The following PROSER2 variants were observed in gnomAD, a reference collection of about 807,000 sequenced individuals.
PROSER2 encodes proline and serine rich 2.
Under a neutral mutation model 14.6 loss-of-function variants are expected in PROSER2, and 18 were observed. That is an observed-to-expected ratio of 1.23 (90% CI 0.85 to 1.83). The LOEUF (loss-of-function observed/expected upper bound fraction) is 1.83. PROSER2 is among the 40% of genes most tolerant of loss of function. The probability of loss-of-function intolerance (pLI) is 0.00; values close to 1 mark genes in which losing one functional copy is unlikely to be tolerated. For synonymous variants in PROSER2, 367 were observed against 286.4 expected (o/e 1.28, Z -2.84); for missense variants, 823 against 629.8 (o/e 1.31, Z -3.28).
At position 11,869,430 on chromosome 10, in the gene PROSER2, A is replaced by G; in HGVS notation, c.392-60A>G. The G allele has an allele frequency of 1.6e-6, 2 of 1,267,100 alleles. No homozygotes were observed. The highest frequency in any genetic ancestry group is 2.3e-6 in the Non-Finnish European group (2 of 868,204). The allele number at this position is 1,267,100 out of a possible 1,614,324, so 78.5% of individuals were successfully genotyped here. On this transcript the variant is annotated intron_variant, in intron 3 of 3. Coordinates refer to ENST00000277570, the MANE Select transcript of PROSER2 (RefSeq NM_153256.4). This position sits in a 1 kb window ranked among gnomAD's most constrained non-coding sequence, Gnocchi z 4.4. ...GCTCTTTTCAGTTCAGCGAGAGGGA[A>G]CTTCATGCATTTACTTTCACGTGGG... is the stretch of plus-strand genomic sequence containing the variant.
In PROSER2 at chr10:11,866,803, A is replaced by G; in HGVS notation, c.391+20A>G. 1.2e-6 allele frequency: 2 copies of G among 1,600,992 alleles called. No individual in the cohort carries two copies. Among genetic ancestry groups the G allele is most frequent in the Non-Finnish European group, 1.7e-6 (2 of 1,175,682 alleles). On this transcript the variant is annotated intron_variant, in intron 3 of 3. Coordinates refer to ENST00000277570, the MANE Select transcript of PROSER2 (RefSeq NM_153256.4). This position sits in a 1 kb window ranked among gnomAD's most constrained non-coding sequence, Gnocchi z 6.0. ...CAGCAGGTGAGGGGGAAGACAGGCCATCCCTGGGATGTGGTTTCCTGGTGT... is the reference window on the plus strand; with the variant it reads ...CAGCAGGTGAGGGGGAAGACAGGCCGTCCCTGGGATGTGGTTTCCTGGTGT...
chr10:11,870,554 G>A lies in PROSER2; in HGVS notation c.*148G>A, dbSNP rs977188836. 6.3e-6 allele frequency: 4 copies of A among 636,530 alleles called. No individual in the cohort carries two copies. In the African/African-American group the frequency reaches 7.8e-5, roughly 12 times the overall value. The allele number at this position is 636,530 out of a possible 1,614,324, so 39.4% of individuals were successfully genotyped here. On this transcript the variant is annotated 3_prime_UTR_variant, in exon 4 of 4. Transcript: ENST00000277570. ...GGCACATCGGAGTCTAGAGGTGCCT[G>A]GCTGGGGCCTCCTGGCTGAGCACGC... is the stretch of plus-strand genomic sequence containing the variant.
At chr10:11,827,060 G>GT (rs1833625469) in intron 1 of PROSER2, among the ~76,000 whole-genome samples, 1 of 151,522 alleles carries the variant, frequency 6.6e-6, no homozygotes, top group Non-Finnish European at 1.5e-5. Flanking sequence ...GTGTTTTTGT[G>GT]TTTTTTGTAG....
At chr10:11,845,881 G>C (rs1833917428) in intron 1 of PROSER2, among the ~76,000 whole-genome samples, 1 of 152,196 alleles carries the variant, frequency 6.6e-6, no homozygotes, top group African/African-American at 2.4e-5. Flanking sequence ...TTCTGGTGGG[G>C]GGACCCTCAG....
intron 1 of PROSER2, among the ~76,000 whole-genome samples, chr10:11,832,190 C>T (rs542418577): frequency 5.3e-5 from 8 of 152,232 alleles, no homozygotes; most frequent in East Asian, 1.9e-4. Context: ...GTGACCGCAT[C>T]AATGTTTCAA....
In PROSER2 at chr10:11,856,946, C is replaced by T. The variant is rs553721468; in HGVS notation, c.138+4731C>T. 1.3e-5 allele frequency among the ~76,000 whole-genome samples: 2 copies of T among 152,336 alleles called. No homozygotes were observed. The highest frequency in any genetic ancestry group is 2.4e-5 in the African/African-American group (1 of 41,590). ...CCGCCCCATCAGCCATAACCCCGCCCTTTCATGCTGCCTTCTCACCCAGCT... is the reference window on the plus strand; with the variant it reads ...CCGCCCCATCAGCCATAACCCCGCCTTTTCATGCTGCCTTCTCACCCAGCT... On this transcript the variant is annotated intron_variant, in intron 2 of 3. Transcript: ENST00000277570. The surrounding 1 kb of genome is among the most constrained non-coding windows in gnomAD (Gnocchi z 5.3).
intron 1 of PROSER2, among the ~76,000 whole-genome samples, chr10:11,843,195 C>T (rs1335024673): frequency 4.0e-5 from 6 of 150,144 alleles, no homozygotes; most frequent in African/African-American, 1.5e-4. Context: ...CCACCTCGGC[C>T]TCCCAAAGTG....
chr10:11,829,494 G>A (rs1183938374), intron 1 of PROSER2, among the ~76,000 whole-genome samples: 2 of 151,794 alleles, frequency 1.3e-5, no homozygotes, highest in Non-Finnish European at 2.9e-5. Context: ...TGAGGCAGGA[G>A]ATGCTTGAGC....
At chr10:11,864,822 C>T (rs966338955) in intron 2 of PROSER2, among the ~76,000 whole-genome samples, 2 of 152,122 alleles carry the variant, frequency 1.3e-5, no homozygotes, top group Admixed American at 6.5e-5. Context: ...CTCTGGAGCT[C>T]GAGTGATCCA....
intron 3 of PROSER2, among the ~76,000 whole-genome samples, chr10:11,868,118 C>CT (rs903797255): frequency 3.9e-5 from 6 of 152,146 alleles, no homozygotes; most frequent in African/African-American, 1.4e-4. Flanking sequence ...ATGTACTGTT[C>CT]TTTTTTACTG....
intron 2 of PROSER2, among the ~76,000 whole-genome samples, chr10:11,859,677 T>G (rs1834197011): frequency 6.6e-6 from 1 of 152,168 alleles, no homozygotes; most frequent in African/African-American, 2.4e-5. Flanking sequence ...CTCTCCCGCC[T>G]CCAAGGACCA....
At chr10:11,824,816 C>G (rs1833588360) in intron 1 of PROSER2, among the ~76,000 whole-genome samples, 1 of 152,108 alleles carries the variant, frequency 6.6e-6, no homozygotes, top group Non-Finnish European at 1.5e-5. Flanking sequence ...TACTAGAAAT[C>G]AGAAATCCAA....
chr10:11,826,367 T>A (rs1002857947), intron 1 of PROSER2, among the ~76,000 whole-genome samples: 3 of 152,206 alleles, frequency 2.0e-5, no homozygotes, highest in African/African-American at 7.2e-5. Flanking sequence ...TGAACACCTG[T>A]TGTCAATTCT....
chr10:11,859,867 A>C (rs186204986), intron 2 of PROSER2, among the ~76,000 whole-genome samples: 1 of 152,220 alleles, frequency 6.6e-6, no homozygotes, highest in South Asian at 2.1e-4. Flanking sequence ...GCCCATTTGC[A>C]GTCACTGCCC....
rs1833780487 is a variant in PROSER2, at chr10:11,837,657, TA to T, written c.-82+14188del. Among the ~76,000 whole-genome samples the T allele has an allele frequency of 6.6e-6, 1 of 152,336 alleles. No homozygotes were observed. The highest frequency in any genetic ancestry group is 1.5e-5 in the Non-Finnish European group (1 of 68,032). On this transcript the variant is annotated intron_variant, in intron 1 of 3. Transcript: ENST00000277570. This position sits in a 1 kb window ranked among gnomAD's most constrained non-coding sequence, Gnocchi z 4.6. The stretch of plus-strand genomic sequence containing the variant: ...TAATTTTTCCATTCACGTTCAGAAC[TA>T]CCAAAGACAGTAATGACCTTGTGAT...
At position 11,837,559 on chromosome 10, in the gene PROSER2, T is replaced by C. The variant is rs749806222; in HGVS notation, c.-82+14089T>C. Among the ~76,000 whole-genome samples, 23 of 152,176 alleles carry C rather than the reference T, an allele frequency of 1.5e-4. No individual in the cohort carries two copies. Among genetic ancestry groups the C allele is most frequent in the Non-Finnish European group, 2.5e-4 (17 of 68,038 alleles). On this transcript the variant is annotated intron_variant, in intron 1 of 3. Coordinates refer to ENST00000277570, the MANE Select transcript of PROSER2 (RefSeq NM_153256.4). This position sits in a 1 kb window ranked among gnomAD's most constrained non-coding sequence, Gnocchi z 4.6. ...GCCTGGACCTGTTTTTGTGAAGTGTTTGCAATGGCAATGAGTTGCGTAACA... is the reference window on the plus strand; with the variant it reads ...GCCTGGACCTGTTTTTGTGAAGTGTCTGCAATGGCAATGAGTTGCGTAACA...
At position 11,869,675 on chromosome 10, in the gene PROSER2, A is replaced by G; in HGVS notation, c.577A>G (p.Thr193Ala). The change falls in exon 4 of 4, where the codon ACG (threonine) becomes GCG (alanine). Residue 193 changes from threonine to alanine, a missense_variant. Transcript: ENST00000277570. This position sits in a 1 kb window ranked among gnomAD's most constrained non-coding sequence, Gnocchi z 4.4. ...CCCCAGACTCCTGCGCTCTGTTCCC[A>G]CGCCCCTCGTTATGGCGCAGAAGAT... The part of the protein sequence containing the change: ...EHPRLLRSVP[T>A]PLVMAQKISE... The G allele has an allele frequency of 6.3e-7, 1 of 1,598,398 alleles. No homozygotes were observed. The highest frequency in any genetic ancestry group is 8.5e-7 in the Non-Finnish European group (1 of 1,173,204).
intron 2 of PROSER2, among the ~76,000 whole-genome samples, chr10:11,861,862 C>A (rs939198505): frequency 1.3e-5 from 2 of 151,980 alleles, no homozygotes; most frequent in Non-Finnish European, 2.9e-5. Context: ...GAAGGGTAGG[C>A]GGAGCCATAG....
At chr10:11,868,443 A>AT (rs1227915339) in intron 3 of PROSER2, among the ~76,000 whole-genome samples, 1 of 150,628 alleles carries the variant, frequency 6.6e-6, no homozygotes, top group Non-Finnish European at 1.5e-5. Flanking sequence ...GCCTGGCTAA[A>AT]TTTTTTTTTG....
Sources: gnomAD v4.1 joint callset for allele counts (sites outside exome capture counted in the v4.1 genomes callset) on GRCh38, gnomAD v4.1.1 for gene constraint, Gnocchi (gnomAD v3.1) non-coding constraint, MANE v1.5 for transcripts, NCBI Gene and HGNC (gene_info 2026-07-23, HGNC 2026-07-21) for gene names.